Variants in TRHDE observed in about 807,000 individuals in gnomAD.
TRHDE encodes the protein thyrotropin releasing hormone degrading enzyme, also known as thyrotropin-releasing hormone-degrading ectoenzyme.
A neutral mutation model predicts 125.7 loss-of-function variants in TRHDE; 72 were observed. The ratio of observed to expected loss-of-function variants is 0.57; its 90% confidence interval spans 0.47 to 0.70. The LOEUF is 0.70. TRHDE is among the 30% of genes least tolerant of loss of function. TRHDE has a pLI of 0.00. For missense variants in TRHDE, 1,110 were observed against 1,327.1 expected (o/e 0.84, Z 2.54); for synonymous variants, 509 against 509.1 (o/e 1.00, Z 0.00).
chr12:72,593,331 C>A (rs559296303), intron 12 of TRHDE, among the ~76,000 whole-genome samples: 1 of 152,240 alleles, frequency 6.6e-6, no homozygotes, highest in African/African-American at 2.4e-5. Context: ...AACTTTCAAT[C>A]TATTATTAAA....
intron 15 of TRHDE, among the ~76,000 whole-genome samples, chr12:72,651,511 A>G: frequency 6.6e-6 from 1 of 152,086 alleles, no homozygotes; most frequent in East Asian, 1.9e-4. Context: ...GAAAAAAAGC[A>G]AAATTAAATT....
intron 2 of TRHDE, among the ~76,000 whole-genome samples, chr12:72,315,054 A>G (rs1347581398): frequency 6.6e-6 from 1 of 152,224 alleles, no homozygotes; most frequent in African/African-American, 2.4e-5. Flanking sequence ...TGTATAACTT[A>G]CATTAGGATG....
At chr12:72,340,091 G>T (rs1162575811) in intron 2 of TRHDE, among the ~76,000 whole-genome samples, 8 of 152,054 alleles carry the variant, frequency 5.3e-5, no homozygotes, top group Non-Finnish European at 7.4e-5. Context: ...CTTCCTTATG[G>T]GTATGTCTTG....
intron 2 of TRHDE, among the ~76,000 whole-genome samples, chr12:72,354,697 A>G (rs1279186199): frequency 6.7e-6 from 1 of 148,574 alleles, no homozygotes; most frequent in Non-Finnish European, 1.5e-5. Context: ...TATGTAAAAT[A>G]TATACCGATT....
intron 2 of TRHDE, among the ~76,000 whole-genome samples, chr12:72,110,752 G>A (rs1484386350): frequency 6.6e-6 from 1 of 152,026 alleles, no homozygotes. Flanking sequence ...ATTTTACATT[G>A]AGCAGAGTTG....
At chr12:72,295,003 G>A (rs1039387899) in intron 2 of TRHDE, among the ~76,000 whole-genome samples, 6 of 152,074 alleles carry the variant, frequency 3.9e-5, no homozygotes, top group African/African-American at 1.2e-4. Flanking sequence ...GTGGGAGCAG[G>A]CATTTCTGAG....
intron 15 of TRHDE, among the ~76,000 whole-genome samples, chr12:72,640,023 G>T (rs1873973175): frequency 6.6e-6 from 1 of 152,130 alleles, no homozygotes; most frequent in African/African-American, 2.4e-5. Context: ...GAGCTGTGGT[G>T]GGCTCCACCC....
intron 2 of TRHDE, among the ~76,000 whole-genome samples, chr12:72,172,264 A>G (rs1374089695): frequency 6.6e-6 from 1 of 152,218 alleles, no homozygotes; most frequent in African/African-American, 2.4e-5. Flanking sequence ...ATATGATTGC[A>G]GACATAAAGA....
chr12:72,506,738 A>C, intron 6 of TRHDE, among the ~76,000 whole-genome samples: 1 of 152,204 alleles, frequency 6.6e-6, no homozygotes, highest in East Asian at 1.9e-4. Flanking sequence ...CCAAGCTCCC[A>C]GGCTACCCTT....
At chr12:72,589,223 T>C (rs1565801410) in intron 12 of TRHDE, among the ~76,000 whole-genome samples, 1 of 152,206 alleles carries the variant, frequency 6.6e-6, no homozygotes, top group Non-Finnish European at 1.5e-5. Context: ...AGTCATTATG[T>C]TGGGTGAATA....
chr12:72,554,795 C>T (rs1337416831), intron 7 of TRHDE, among the ~76,000 whole-genome samples: 2 of 152,102 alleles, frequency 1.3e-5, no homozygotes, highest in African/African-American at 4.8e-5. Flanking sequence ...TTTAGAACCC[C>T]AGAACTCCTC....
At chr12:72,581,803 T>C (rs1009045281) in intron 12 of TRHDE, among the ~76,000 whole-genome samples, 15 of 151,978 alleles carry the variant, frequency 9.9e-5, no homozygotes, top group African/African-American at 3.4e-4. Flanking sequence ...TGTTTGTCCC[T>C]CTTAGAAGTG....
intron 2 of TRHDE, among the ~76,000 whole-genome samples, chr12:72,244,389 C>A (rs1296477421): frequency 6.6e-6 from 1 of 152,064 alleles, no homozygotes; most frequent in Non-Finnish European, 1.5e-5. Flanking sequence ...TAATAATGGC[C>A]TAACCATTCT....
chr12:72,543,941 A>T (rs1444216158), intron 7 of TRHDE, among the ~76,000 whole-genome samples: 1 of 151,130 alleles, frequency 6.6e-6, no homozygotes, highest in African/African-American at 2.4e-5. Flanking sequence ...TGAAACAGTT[A>T]GAATATAGCC....
intron 2 of TRHDE, among the ~76,000 whole-genome samples, chr12:72,248,039 G>A (rs1878607262): frequency 6.6e-6 from 1 of 152,220 alleles, no homozygotes; most frequent in East Asian, 1.9e-4. Context: ...GTGTATGTGT[G>A]TACATATGTA....
chr12:72,111,192 A>G (rs1875306996), intron 2 of TRHDE, among the ~76,000 whole-genome samples: 1 of 152,142 alleles, frequency 6.6e-6, no homozygotes, highest in African/African-American at 2.4e-5. Context: ...TGTGATTGAA[A>G]CAACGCAGTA....
At chr12:72,550,652 A>G (rs1869631883) in intron 7 of TRHDE, among the ~76,000 whole-genome samples, 1 of 151,850 alleles carries the variant, frequency 6.6e-6, no homozygotes, top group African/African-American at 2.4e-5. Flanking sequence ...CATGTTTGTG[A>G]GCATTTACTT....
At chr12:72,279,488 C>T (rs1879615341) in intron 1 of TRHDE, among the ~76,000 whole-genome samples, 1 of 152,172 alleles carries the variant, frequency 6.6e-6, no homozygotes, top group Non-Finnish European at 1.5e-5. Context: ...CAGGGTTTTT[C>T]AAAGTTCATG....
chr12:72,472,974 A>G, intron 4 of TRHDE, 93 bp from the exon 5 acceptor site: 1 of 982,454 alleles, frequency 1.0e-6, no homozygotes, highest in Non-Finnish European at 1.6e-6. Flanking sequence ...AATTCCAGTT[A>G]TAATAATCAT....
Sources: allele counts gnomAD v4.1 joint callset (sites outside exome capture counted in the v4.1 genomes callset), GRCh38; gene constraint gnomAD v4.1.1; transcripts MANE v1.5; gene names NCBI Gene and HGNC (gene_info 2026-07-23, HGNC 2026-07-21).